The following MGAT4C variants were observed in gnomAD, a reference collection of about 807,000 sequenced individuals.
MGAT4C encodes MGAT4 family member C, also known as alpha-1,3-mannosyl-glycoprotein 4-beta-N-acetylglucosaminyltransferase C.
A neutral mutation model predicts 40.1 loss-of-function variants in MGAT4C; 19 were observed. The observed-to-expected ratio is 0.47, with a 90% CI of 0.33 to 0.70. The LOEUF (loss-of-function observed/expected upper bound fraction) is 0.70, where lower values mean the gene tolerates loss of function less well. Ranked by LOEUF, MGAT4C falls within the 30% of genes least tolerant of loss-of-function variation. The pLI, the probability that MGAT4C is intolerant of heterozygous loss-of-function variation, is 0.02. For missense variants in MGAT4C, 491 were observed against 563.2 expected (o/e 0.87, Z 1.30); for synonymous variants, 181 against 187.1 (o/e 0.97, Z 0.27).
intron 1 of MGAT4C, among the ~76,000 whole-genome samples, chr12:86,247,205 A>C (rs1202826435): frequency 6.6e-6 from 1 of 152,236 alleles, no homozygotes; most frequent in Non-Finnish European, 1.5e-5. Flanking sequence ...ATTAGTGGGA[A>C]GGAGGCTGCA....
chr12:86,459,378 G>T (rs1336562467), intron 2 of MGAT4C, among the ~76,000 whole-genome samples: 4 of 151,808 alleles, frequency 2.6e-5, no homozygotes, highest in Non-Finnish European at 4.4e-5. Context: ...TATTGGGTGG[G>T]TGTCAGGGAG....
At chr12:86,680,940 AT>A (rs540008161) in intron 2 of MGAT4C, among the ~76,000 whole-genome samples, 2 of 151,832 alleles carry the variant, frequency 1.3e-5, no homozygotes, top group Non-Finnish European at 2.9e-5. Flanking sequence ...ATTTGCAAGC[AT>A]TTTTTTCTGG....
At chr12:86,426,774 C>T (rs1343526210) in intron 3 of MGAT4C, among the ~76,000 whole-genome samples, 3 of 152,060 alleles carry the variant, frequency 2.0e-5, no homozygotes, top group African/African-American at 7.2e-5. Context: ...GGTGAAACCC[C>T]GTCTCTACTA....
chr12:86,440,814 A>G (rs1957214242), intron 2 of MGAT4C, among the ~76,000 whole-genome samples: 1 of 152,122 alleles, frequency 6.6e-6, no homozygotes, highest in Non-Finnish European at 1.5e-5. Context: ...AATCAGCTGC[A>G]CTTCTATATG....
chr12:86,641,503 A>G lies in MGAT4C; in HGVS notation c.-229+85706T>C, dbSNP rs1457022729. 3.3e-5 allele frequency among the ~76,000 whole-genome samples: 5 copies of G among 151,902 alleles called. No homozygotes were observed. In the South Asian group the frequency reaches 1.0e-3, roughly 31 times the overall value. ...TCTGCACATTGTGCACATGTACCCT[A>G]AAACTTAAAGTATAATAATAATAAA... On this transcript the variant is annotated intron_variant, in intron 2 of 7. Transcript: ENST00000548651.
chr12:86,577,089 C>A (rs1225611300), intron 2 of MGAT4C, among the ~76,000 whole-genome samples: 1 of 151,540 alleles, frequency 6.6e-6, no homozygotes, highest in African/African-American at 2.4e-5. Flanking sequence ...AACAGGATTT[C>A]CTTTTTATTT....
At chr12:86,015,358 G>A (rs1888980516) in intron 2 of MGAT4C, among the ~76,000 whole-genome samples, 1 of 152,068 alleles carries the variant, frequency 6.6e-6, no homozygotes, top group Admixed American at 6.5e-5. Flanking sequence ...CTCCCGACAA[G>A]CTGTTTGTGC....
chr12:86,254,623 C>T (rs906680766), intron 1 of MGAT4C, among the ~76,000 whole-genome samples: 8 of 151,962 alleles, frequency 5.3e-5, no homozygotes, highest in African/African-American at 1.9e-4. Flanking sequence ...AAAAAAAATT[C>T]ATTTCAAAGC....
In MGAT4C at chr12:86,811,749, ATTAAT is replaced by A. The variant is rs780844724; in HGVS notation, c.-262+26912_-262+26916del. On this transcript the variant is annotated intron_variant, in intron 1 of 7. Transcript: ENST00000548651. Reference sequence around the variant, plus strand: ...TTATTTTTGCTAGTCTTACCAGTTTATTAATTTAATTTGAAGAACCAGTGTTCATC... The same window carrying A: ...TTATTTTTGCTAGTCTTACCAGTTTATTAATTTGAAGAACCAGTGTTCATC... Among the ~76,000 whole-genome samples the A allele has an allele frequency of 1.3e-4, 19 of 151,452 alleles. No homozygotes were observed. The East Asian group carries it at 1.4e-3, about 11-fold the overall frequency.
At chr12:86,029,329 C>A (rs1243224622) in intron 2 of MGAT4C, among the ~76,000 whole-genome samples, 1 of 151,894 alleles carries the variant, frequency 6.6e-6, no homozygotes, top group Non-Finnish European at 1.5e-5. Flanking sequence ...TGGATCTACT[C>A]TCACGAGAAA....
chr12:86,166,410 G>A (rs899991141), intron 1 of MGAT4C, among the ~76,000 whole-genome samples: 5 of 152,152 alleles, frequency 3.3e-5, no homozygotes, highest in South Asian at 2.1e-4. Context: ...GGTGGCTCAC[G>A]CCTTTAATCT....
intron 2 of MGAT4C, among the ~76,000 whole-genome samples, chr12:86,618,628 T>C (rs1158255005): frequency 6.6e-6 from 1 of 152,044 alleles, no homozygotes; most frequent in African/African-American, 2.4e-5. Context: ...AAAAAATTGA[T>C]CTCATGGAAA....
rs145702383 is a variant in MGAT4C, at chr12:86,809,238, A to G, written c.-262+29428T>C. ...TTCATCTGAGTTATTGAATGTGTATAGAGTTTGTTCTTTTCCATTCAGAGT... is the reference window on the plus strand; with the variant it reads ...TTCATCTGAGTTATTGAATGTGTATGGAGTTTGTTCTTTTCCATTCAGAGT... On this transcript the variant is annotated intron_variant, in intron 1 of 7. Coordinates refer to the MGAT4C transcript ENST00000548651. Among the ~76,000 whole-genome samples, 54 of 152,174 alleles carry G rather than the reference A, an allele frequency of 3.5e-4. No homozygotes were observed. The East Asian group carries it at 6.6e-3, about 19-fold the overall frequency.
In MGAT4C at chr12:86,085,879, G is replaced by A. The variant is rs185486275; in HGVS notation, c.-56-36156C>T. Among the ~76,000 whole-genome samples the A allele has an allele frequency of 4.9e-3, 742 of 152,218 alleles. 8 individuals carry two copies. The highest frequency in any genetic ancestry group is 0.017 in the African/African-American group (710 of 41,542). On this transcript the variant is annotated intron_variant, in intron 1 of 4. Transcript: ENST00000611864. ...CAGTTAGAATGATGATCATTAAAAA[G>A]TCAGGAAACAACAGATGCTGGAGAG...
At chr12:86,523,287 G>T (rs1958827269) in intron 2 of MGAT4C, among the ~76,000 whole-genome samples, 1 of 152,092 alleles carries the variant, frequency 6.6e-6, no homozygotes. Flanking sequence ...CTAGTGTCTT[G>T]TATCTTTGTT....
chr12:86,191,574 C>T (rs781123635), intron 1 of MGAT4C, among the ~76,000 whole-genome samples: 1 of 149,508 alleles, frequency 6.7e-6, no homozygotes, highest in Non-Finnish European at 1.5e-5. Context: ...ATTCCCAGCT[C>T]AAGTACAACA....
At chr12:86,356,962 T>C (rs1955328699) in intron 3 of MGAT4C, among the ~76,000 whole-genome samples, 1 of 152,160 alleles carries the variant, frequency 6.6e-6, no homozygotes, top group Non-Finnish European at 1.5e-5. Context: ...CTGACAGCTC[T>C]GAACAGAGTA....
intron 2 of MGAT4C, among the ~76,000 whole-genome samples, chr12:86,543,124 G>C (rs1012654136): frequency 1.3e-5 from 2 of 151,826 alleles, no homozygotes; most frequent in African/African-American, 4.8e-5. Flanking sequence ...AGTGGGTTCT[G>C]TTTTATATGA....
intron 4 of MGAT4C, among the ~76,000 whole-genome samples, chr12:86,307,823 C>T (rs1953976914): frequency 6.7e-6 from 1 of 149,888 alleles, no homozygotes; most frequent in Non-Finnish European, 1.5e-5. Context: ...CTGCCTCAGC[C>T]TCCAGAGCTG....
Sources: allele counts gnomAD v4.1 joint callset (sites outside exome capture counted in the v4.1 genomes callset), GRCh38; gene constraint gnomAD v4.1.1; transcripts MANE v1.5; gene names NCBI Gene and HGNC (gene_info 2026-07-23, HGNC 2026-07-21).